PREX1: variants seen among roughly 807,000 people sequenced by gnomAD.
The protein encoded by PREX1 is phosphatidylinositol-3,4,5-trisphosphate dependent Rac exchange factor 1.
In PREX1, 41 loss-of-function variants were observed where a neutral mutation model predicts 198.3. That is an observed-to-expected ratio of 0.21 (90% CI 0.16 to 0.27). PREX1 has a LOEUF of 0.27. PREX1 is among the 10% of genes least tolerant of loss of function. The probability of loss-of-function intolerance (pLI) is 1.00; values close to 1 mark genes in which losing one functional copy is unlikely to be tolerated. For synonymous variants in PREX1, 843 were observed against 887.2 expected, an observed-to-expected ratio of 0.95 and a Z score of 0.89; for missense variants, 1,620 against 2,200.7, an observed-to-expected ratio of 0.74 and a Z score of 5.28.
intron 29 of PREX1, among the ~76,000 whole-genome samples, chr20:48,640,867 GTAGAT>G: frequency 6.9e-6 from 1 of 144,556 alleles, no homozygotes; most frequent in Admixed American, 7.1e-5. Context: ...GGGTAGGTGG[GTAGAT>G]GGATGGATGG....
At chr20:48,689,037 CAG>C (rs2089802135) in intron 9 of PREX1, among the ~76,000 whole-genome samples, 1 of 152,198 alleles carries the variant, frequency 6.6e-6, no homozygotes, top group Non-Finnish European at 1.5e-5. Flanking sequence ...AGTTGAGACC[CAG>C]AGAGGTTAAG....
At chr20:48,656,925 C>T (rs917669931) in intron 18 of PREX1, 115 bp downstream of exon 18, 1 of 1,317,482 alleles carries the variant, frequency 7.6e-7, no homozygotes, top group African/African-American at 1.5e-5. Context: ...TGTTGTGTGA[C>T]TCCAACAATG....
intron 3 of PREX1, among the ~76,000 whole-genome samples, chr20:48,735,670 T>C (rs1033530134): frequency 2.6e-5 from 4 of 150,994 alleles, no homozygotes; most frequent in Non-Finnish European, 5.9e-5. Context: ...TCTCCTGGAA[T>C]GGGGGTGAAC....
At chr20:48,758,480 GA>G (rs2090164832) in intron 1 of PREX1, among the ~76,000 whole-genome samples, 1 of 152,172 alleles carries the variant, frequency 6.6e-6, no homozygotes, top group African/African-American at 2.4e-5. Flanking sequence ...TTGGGGGGGT[GA>G]AAGACAGGGC....
At chr20:48,637,807 G>A (rs1403680073) in intron 30 of PREX1, 55 bp from the exon 31 acceptor site, 1 of 1,528,606 alleles carries the variant, frequency 6.5e-7, no homozygotes, top group East Asian at 2.3e-5. Context: ...GCAGCAAGAG[G>A]TGAGGGCAGA....
At chr20:48,837,570 C>T in the PREX1 span, among the ~76,000 whole-genome samples, 1 of 152,172 alleles carries the variant, frequency 6.6e-6, no homozygotes, top group Non-Finnish European at 1.5e-5. Context: ...AAAGCAGGAA[C>T]AGAAAACCAA....
chr20:48,717,394 C>G (rs1356830073), intron 5 of PREX1, among the ~76,000 whole-genome samples: 1 of 152,050 alleles, frequency 6.6e-6, no homozygotes, highest in African/African-American at 2.4e-5. Context: ...GCTCAGGAAG[C>G]CTGGCTTGCT....
chr20:48,821,075 G>C (rs771775051), intron 1 of PREX1, among the ~76,000 whole-genome samples: 7 of 152,164 alleles, frequency 4.6e-5, no homozygotes, highest in Non-Finnish European at 8.8e-5. Context: ...GGTGGCACGT[G>C]CCTGTAGTCC....
chr20:48,830,624 C>T (rs1199355988), upstream of PREX1, among the ~76,000 whole-genome samples: 1 of 152,210 alleles, frequency 6.6e-6, no homozygotes, highest in African/African-American at 2.4e-5. Context: ...ATCTCTGGCC[C>T]ACCCCAATGT....
intron 11 of PREX1, among the ~76,000 whole-genome samples, chr20:48,681,014 T>C (rs1024056730): frequency 6.6e-6 from 1 of 152,196 alleles, no homozygotes; most frequent in Non-Finnish European, 1.5e-5. Context: ...AGATAAAAGA[T>C]TCTACTCCCC....
chr20:48,832,482 G>T (rs531014838), upstream of PREX1, among the ~76,000 whole-genome samples: 1 of 152,156 alleles, frequency 6.6e-6, no homozygotes, highest in Non-Finnish European at 1.5e-5. Flanking sequence ...TGCACTGCCC[G>T]AGGGTGCCAT....
At chr20:48,636,784 C>G in intron 31 of PREX1, 101 bp from the exon 32 acceptor site, 1 of 982,416 alleles carries the variant, frequency 1.0e-6, no homozygotes, top group African/African-American at 1.6e-5. Context: ...ATGGAACCCC[C>G]AGCAAAGGGC....
rs535609588 is a variant in PREX1, at chr20:48,628,813, T to C, written c.4766+636A>G. Among the ~76,000 whole-genome samples, 17 of 152,340 alleles carry C rather than the reference T, an allele frequency of 1.1e-4. No individual in the cohort carries two copies. In the East Asian group the frequency reaches 1.5e-3, roughly 14 times the overall value. On this transcript the variant is annotated intron_variant, in intron 37 of 39. Coordinates refer to ENST00000371941, the MANE Select transcript of PREX1 (RefSeq NM_020820.4). ...GAAACATTTATTCAGCAAATGTTTC[T>C]TGAGCACCTGTCTCAGGCCAGGCAC...
chr20:48,711,467 G>A (rs1007922064), intron 5 of PREX1, among the ~76,000 whole-genome samples: 26 of 152,116 alleles, frequency 1.7e-4, no homozygotes, highest in Non-Finnish European at 3.7e-4. Context: ...AGCTCCCGGT[G>A]GGCAGGGACA....
chr20:48,681,223 C>A lies in PREX1; in HGVS notation c.1435+12G>T, dbSNP rs758713926. 3.1e-6 allele frequency: 5 copies of A among 1,612,402 alleles called. No individual in the cohort carries two copies. Among genetic ancestry groups the A allele is most frequent in the Non-Finnish European group, 3.4e-6 (4 of 1,178,806 alleles). On this transcript the variant is annotated intron_variant, in intron 11 of 39. Transcript: ENST00000371941. ...CACCCCTTGGCCCAGCTGGGCCCAG[C>A]CCTCCACTCACCATGGTGGATGATG... is the stretch of plus-strand genomic sequence containing the variant.
chr20:48,733,716 G>GTTGTTGTTGTTGTTA (rs1196409004), intron 4 of PREX1, among the ~76,000 whole-genome samples: 1 of 151,856 alleles, frequency 6.6e-6, no homozygotes, highest in Non-Finnish European at 1.5e-5. Context: ...TGTTGTTGTT[G>GTTGTTGTTGTTGTTA]TTGTTGTTTT....
At chr20:48,785,574 C>T (rs1012150271) in intron 1 of PREX1, among the ~76,000 whole-genome samples, 6 of 152,250 alleles carry the variant, frequency 3.9e-5, no homozygotes, top group Non-Finnish European at 8.8e-5. Flanking sequence ...GCAGAGCGGC[C>T]AGCCAGGGCT....
Position 48,639,901 on chromosome 20 carries a change from C to G in PREX1, c.3776-7G>C. 1 of 1,613,622 alleles carries G rather than the reference C, an allele frequency of 6.2e-7. No homozygotes were observed. The highest frequency in any genetic ancestry group is 1.1e-5 in the South Asian group (1 of 91,046). ...TCTTCTTTCTGTTTAAACTCTGGGG[C>G]AGGAAAGTGGCATGAGGGCCAGGGA... On this transcript the variant is annotated splice_region_variant and splice_polypyrimidine_tract_variant and intron_variant, in intron 29 of 39. Transcript: ENST00000371941.
At chr20:48,762,982 C>T (rs569075422) in intron 1 of PREX1, among the ~76,000 whole-genome samples, 4 of 152,288 alleles carry the variant, frequency 2.6e-5, no homozygotes, top group African/African-American at 9.6e-5. Context: ...GGATTACAGG[C>T]GTAAGCCATC....
Sources: allele counts gnomAD v4.1 joint callset (sites outside exome capture counted in the v4.1 genomes callset), GRCh38; gene constraint gnomAD v4.1.1; transcripts MANE v1.5; gene names NCBI Gene and HGNC (gene_info 2026-07-23, HGNC 2026-07-21).